Variants in TMEM178B observed in about 807,000 individuals in gnomAD.
TMEM178B encodes the protein transmembrane protein 178B.
A neutral mutation model predicts 31.0 loss-of-function variants in TMEM178B; 5 were observed. The observed-to-expected ratio is 0.16, with a 90% CI of 0.08 to 0.34. The LOEUF is 0.34. Ranked by LOEUF, TMEM178B falls within the 10% of genes least tolerant of loss-of-function variation. The probability of loss-of-function intolerance (pLI) is 1.00; values close to 1 mark genes in which losing one functional copy is unlikely to be tolerated. For synonymous variants in TMEM178B, 164 were observed against 164.0 expected (o/e 1.00, Z 0.00); for missense variants, 275 against 400.3 (o/e 0.69, Z 2.67).
chr7:141,208,135 G>T (rs1459442053), intron 1 of TMEM178B, among the ~76,000 whole-genome samples: 1 of 152,138 alleles, frequency 6.6e-6, no homozygotes, highest in East Asian at 1.9e-4. Flanking sequence ...CCAGGCTGTA[G>T]TAAGCGATGA....
At chr7:141,284,017 C>A (rs1398322456) in intron 2 of TMEM178B, among the ~76,000 whole-genome samples, 1 of 152,230 alleles carries the variant, frequency 6.6e-6, no homozygotes, top group African/African-American at 2.4e-5. Flanking sequence ...CCGAATCATG[C>A]AAGAATGCCT....
At chr7:141,401,666 A>G (rs1365682805) in intron 2 of TMEM178B, among the ~76,000 whole-genome samples, 1 of 152,074 alleles carries the variant, frequency 6.6e-6, no homozygotes, top group East Asian at 1.9e-4. Context: ...TTGGCCTCCT[A>G]AAGTGCTGGA....
At chr7:141,300,218 G>A (rs968723852) in intron 2 of TMEM178B, among the ~76,000 whole-genome samples, 1 of 152,166 alleles carries the variant, frequency 6.6e-6, no homozygotes, top group Non-Finnish European at 1.5e-5. Flanking sequence ...TTGTCTTGTT[G>A]GTCAATCCCA....
At chr7:141,378,520 A>G (rs1800258817) in intron 2 of TMEM178B, among the ~76,000 whole-genome samples, 1 of 152,180 alleles carries the variant, frequency 6.6e-6, no homozygotes, top group South Asian at 2.1e-4. Context: ...TGAAAGAGGC[A>G]TTGCCTGGTT....
intron 2 of TMEM178B, among the ~76,000 whole-genome samples, chr7:141,418,311 A>G (rs184537522): frequency 4.1e-4 from 62 of 152,042 alleles, no homozygotes; most frequent in African/African-American, 1.3e-3. Flanking sequence ...ATCCCCAGTA[A>G]CCCAATGAAA....
At position 141,447,600 on chromosome 7, in the gene TMEM178B, G is replaced by A. The variant is rs552926948; in HGVS notation, c.634+9855G>A. Among the ~76,000 whole-genome samples the A allele has an allele frequency of 4.7e-4, 72 of 152,174 alleles. 1 individual carries two copies. The highest frequency in any genetic ancestry group is 9.9e-4 in the Non-Finnish European group (67 of 68,006). On this transcript the variant is annotated intron_variant, in intron 3 of 3. Coordinates refer to ENST00000565468, the MANE Select transcript of TMEM178B (RefSeq NM_001195278.2). ...ACAGCTTGCCCTGGGCTTCTTTCCT[G>A]GGCAATCATTTGATACCGTGTGACT...
intron 2 of TMEM178B, among the ~76,000 whole-genome samples, chr7:141,338,202 T>G (rs1297734011): frequency 5.3e-5 from 8 of 152,152 alleles, no homozygotes; most frequent in African/African-American, 1.9e-4. Context: ...GCAATAGAGG[T>G]ATAACAAAGG....
chr7:141,311,245 A>G (rs1204901973), intron 2 of TMEM178B, among the ~76,000 whole-genome samples: 1 of 152,232 alleles, frequency 6.6e-6, no homozygotes, highest in Non-Finnish European at 1.5e-5. Flanking sequence ...CCACCATGGC[A>G]CACATTTACC....
intron 3 of TMEM178B, among the ~76,000 whole-genome samples, chr7:141,453,486 T>G (rs1227546657): frequency 6.6e-6 from 1 of 152,254 alleles, no homozygotes; most frequent in East Asian, 1.9e-4. Flanking sequence ...TGCTAGACAT[T>G]GTGTTAATAT....
In TMEM178B at chr7:141,332,645, G is replaced by A. The variant is rs540323217; in HGVS notation, c.497-104963G>A. 8.5e-5 allele frequency among the ~76,000 whole-genome samples: 13 copies of A among 152,330 alleles called. No individual in the cohort carries two copies. In the South Asian group the frequency reaches 1.9e-3, roughly 22 times the overall value. On this transcript the variant is annotated intron_variant, in intron 2 of 3. Coordinates refer to ENST00000565468, the MANE Select transcript of TMEM178B (RefSeq NM_001195278.2). ...TACAAAACAACAGTATGTGCATATG[G>A]GAGGAGGGTAACAGTTGAGTTTGCC...
chr7:141,470,400 C>T (rs886120053), intron 3 of TMEM178B, 136 bp from the exon 4 acceptor site: 8 of 864,558 alleles, frequency 9.3e-6, no homozygotes, highest in Non-Finnish European at 1.3e-5. Flanking sequence ...ATAACCTGCT[C>T]TTACCTAGAC....
intron 2 of TMEM178B, among the ~76,000 whole-genome samples, chr7:141,429,409 A>C (rs2116666467): frequency 6.6e-6 from 1 of 152,292 alleles, no homozygotes. Flanking sequence ...ACATAGATGA[A>C]CCTGGAGGAC....
chr7:141,266,283 A>G (rs969251036), intron 2 of TMEM178B, among the ~76,000 whole-genome samples: 6 of 152,146 alleles, frequency 3.9e-5, no homozygotes, highest in Non-Finnish European at 8.8e-5. Context: ...CACCTGGACC[A>G]TGATTAGTAA....
chr7:141,083,206 G>A (rs1001958106), intron 1 of TMEM178B, among the ~76,000 whole-genome samples: 10 of 152,158 alleles, frequency 6.6e-5, no homozygotes, highest in African/African-American at 1.9e-4. Flanking sequence ...CACAGAGAGA[G>A]GAGGAAGGGT....
intron 3 of TMEM178B, among the ~76,000 whole-genome samples, chr7:141,460,201 G>A (rs961296652): frequency 1.1e-4 from 16 of 152,170 alleles, no homozygotes; most frequent in African/African-American, 3.1e-4. Flanking sequence ...TTACAGTTCC[G>A]GAATCCAGAA....
chr7:141,441,725 T>G lies in TMEM178B; in HGVS notation c.634+3980T>G, dbSNP rs1191553635. Among the ~76,000 whole-genome samples the G allele has an allele frequency of 4.6e-5, 7 of 152,200 alleles. No individual in the cohort carries two copies. The East Asian group carries it at 1.4e-3, about 29-fold the overall frequency. Reference sequence around the variant, plus strand: ...TCAGAGGAAACTGCCAAGGCCAACATGAAAATGGAAGAATTCTATCCCCAA... The same window carrying G: ...TCAGAGGAAACTGCCAAGGCCAACAGGAAAATGGAAGAATTCTATCCCCAA... On this transcript the variant is annotated intron_variant, in intron 3 of 3. Transcript: ENST00000565468.
intron 2 of TMEM178B, among the ~76,000 whole-genome samples, chr7:141,305,626 G>A (rs1798804356): frequency 6.6e-6 from 1 of 151,850 alleles, no homozygotes; most frequent in Non-Finnish European, 1.5e-5. Flanking sequence ...GTACAGATGG[G>A]GTTTCACCAT....
intron 1 of TMEM178B, among the ~76,000 whole-genome samples, chr7:141,148,987 T>A (rs761939520): frequency 6.6e-6 from 1 of 152,190 alleles, no homozygotes; most frequent in African/African-American, 2.4e-5. Context: ...TCTATGTGGC[T>A]GTGGCATGAA....
At chr7:141,188,564 C>T (rs1184023634) in intron 1 of TMEM178B, among the ~76,000 whole-genome samples, 1 of 152,232 alleles carries the variant, frequency 6.6e-6, no homozygotes, top group African/African-American at 2.4e-5. Context: ...ATCTAGCTTC[C>T]TGACTTCCAG....
Sources: allele counts gnomAD v4.1 joint callset (sites outside exome capture counted in the v4.1 genomes callset), GRCh38; gene constraint gnomAD v4.1.1; transcripts MANE v1.5; gene names NCBI Gene and HGNC (gene_info 2026-07-23, HGNC 2026-07-21).